TBX19: variants seen among roughly 807,000 people sequenced by gnomAD.
TBX19 encodes T-box transcription factor 19.
TBX19 carries 33 observed loss-of-function variants against 40.9 expected under a neutral mutation model. The ratio of observed to expected loss-of-function variants is 0.81; its 90% CI spans 0.61 to 1.08. The LOEUF (loss-of-function observed/expected upper bound fraction) is 1.08, where lower values mean the gene tolerates loss of function less well. Among genes scored for constraint, TBX19 ranks in the 50% least tolerant of loss-of-function variants. The pLI is 0.00. For synonymous variants in TBX19, 220 were observed against 225.0 expected, an observed-to-expected ratio of 0.98 and a Z score of 0.20; for missense variants, 494 against 574.0, an observed-to-expected ratio of 0.86 and a Z score of 1.42.
chr1:168,301,327 G>T (rs1162334433), intron 5 of TBX19, among the ~76,000 whole-genome samples: 1 of 151,820 alleles, frequency 6.6e-6, no homozygotes, highest in Admixed American at 6.6e-5. Flanking sequence ...CAATGGCCCA[G>T]TCTTGGCTCA....
intron 1 of TBX19, among the ~76,000 whole-genome samples, chr1:168,282,037 G>C (rs187699312): frequency 2.6e-4 from 39 of 152,258 alleles, no homozygotes; most frequent in Middle Eastern, 3.4e-3. Context: ...ATTTCACTTC[G>C]TAGAGGAGAC....
rs779255360 is a variant in TBX19 at position 168,312,976 on chromosome 1, C to A, written c.1321C>A (p.His441Asn). 2 of 1,614,224 alleles carry A rather than the reference C, an allele frequency of 1.2e-6. No individual in the cohort carries two copies. Among genetic ancestry groups the A allele is most frequent in the Admixed American group, 3.3e-5 (2 of 60,032 alleles). ...GGGTGGCCCAGGAGCGGGTGGGCACCATTCTCCTTCCTCACTGGATGGTTA... is the reference window on the plus strand; with the variant it reads ...GGGTGGCCCAGGAGCGGGTGGGCACAATTCTCCTTCCTCACTGGATGGTTA... ...GWGGPGAGGH[H>N]SPSSLDG The change falls in exon 8 of 8, where the codon CAT (histidine) becomes AAT (asparagine). Residue 441 changes from histidine (H) to asparagine (N), a missense_variant. His to Asn is a moderately conservative substitution (Grantham distance 68). Transcript: ENST00000367821.
At chr1:168,297,854 A>C in intron 4 of TBX19, 69 bp downstream of exon 4, 1 of 1,368,542 alleles carries the variant, frequency 7.3e-7, no homozygotes, top group South Asian at 1.2e-5. Context: ...GGAATTTATG[A>C]TTATCTTGAA....
intron 1 of TBX19, among the ~76,000 whole-genome samples, chr1:168,286,370 G>A (rs1439635093): frequency 3.3e-5 from 5 of 152,188 alleles, no homozygotes; most frequent in African/African-American, 1.2e-4. Flanking sequence ...GCTTCAAAAG[G>A]AAGCCCTGCG....
chr1:168,296,587 G>A (rs538289464), intron 3 of TBX19, among the ~76,000 whole-genome samples: 5 of 152,234 alleles, frequency 3.3e-5, no homozygotes, highest in East Asian at 3.9e-4. Context: ...CACCGGGACC[G>A]TCCCACAACA....
chr1:168,283,586 CCTAA>C (rs200085831), intron 1 of TBX19, among the ~76,000 whole-genome samples: 2,983 of 152,150 alleles, frequency 0.02, 95 homozygotes, highest in African/African-American at 0.066. Flanking sequence ...CTCTTTTCTC[CCTAA>C]CTATTTATTC....
intron 3 of TBX19, chr1:168,297,514 C>G: frequency 1.5e-6 from 1 of 645,472 alleles, no homozygotes; most frequent in Non-Finnish European, 2.9e-6. Context: ...TTGCCAGAGA[C>G]AGCGCAGTGG....
chr1:168,293,034 C>G lies in TBX19; in HGVS notation c.469-110C>G, dbSNP rs75156246. 196 of 1,579,614 alleles carry G rather than the reference C, an allele frequency of 1.2e-4. 1 individual carries two copies. The African/African-American group carries it at 2.3e-3, about 18-fold the overall frequency. On this transcript the variant is annotated intron_variant, in intron 2 of 7. Transcript: ENST00000367821. ...GGCCTAGGATTTGAAATGTGTGTCC[C>G]TAACCGGGGTGGTGCTAAGCTTGGG...
chr1:168,304,055 A>G (rs990274475), intron 5 of TBX19, among the ~76,000 whole-genome samples: 4 of 152,324 alleles, frequency 2.6e-5, no homozygotes, highest in African/African-American at 9.6e-5. Context: ...AATGCAGCCC[A>G]GTAGGTCTCA....
intron 1 of TBX19, among the ~76,000 whole-genome samples, chr1:168,286,706 C>A (rs1280611663): frequency 6.6e-6 from 1 of 152,136 alleles, no homozygotes; most frequent in Non-Finnish European, 1.5e-5. Context: ...CAAATGTTTG[C>A]ATGGAGCTAT....
intron 6 of TBX19, among the ~76,000 whole-genome samples, chr1:168,306,676 G>C (rs547479512): frequency 6.7e-6 from 1 of 149,634 alleles, no homozygotes; most frequent in Non-Finnish European, 1.5e-5. Flanking sequence ...GGAGGAGCTC[G>C]GGGTTACACA....
rs754589236 is a variant in TBX19, at chr1:168,281,246, G to A, written c.156G>A (p.Gln52=). Reference sequence around the variant, plus strand: ...TCCTGGAGGATGCACCTCTCTGGCAGAGATTCAAGGAAGTCACTAATGAGA... The same window carrying A: ...TCCTGGAGGATGCACCTCTCTGGCAAAGATTCAAGGAAGTCACTAATGAGA... ...QIILEDAPLW[Q]RFKEVTNEMI... Residue 52 remains glutamine, a synonymous_variant, in exon 1 of 8, where the codon CAG becomes CAA. Transcript: ENST00000367821. The A allele has an allele frequency of 2.5e-6, 4 of 1,614,074 alleles. No homozygotes were observed. In the Admixed American group the frequency reaches 5.0e-5, roughly 20 times the overall value.
chr1:168,312,768 G>A lies in TBX19; in HGVS notation c.1113G>A (p.Pro371=), dbSNP rs374611735. The A allele has an allele frequency of 3.0e-5, 48 of 1,614,046 alleles. 1 individual carries two copies. Among genetic ancestry groups the A allele is most frequent in the South Asian group, 2.0e-4 (18 of 91,084 alleles). ...NGAGGPSGPG[P]EVHASTPGAF... The stretch of plus-strand genomic sequence containing the variant: ...CCGGAGGCCCCAGTGGGCCAGGCCC[G>A]GAGGTGCACGCCAGCACCCCAGGAG... The change falls in exon 8 of 8, where the codon CCG becomes CCA. Residue 371 remains proline, a synonymous_variant. Transcript: ENST00000367821.
At chr1:168,311,686 T>G (rs1299462176) in intron 7 of TBX19, among the ~76,000 whole-genome samples, 1 of 152,170 alleles carries the variant, frequency 6.6e-6, no homozygotes, top group Non-Finnish European at 1.5e-5. Flanking sequence ...AATAAGCATA[T>G]TATCAAGCAA....
At chr1:168,296,875 A>AT (rs34163603) in intron 3 of TBX19, among the ~76,000 whole-genome samples, 21,075 of 151,820 alleles carry the variant, frequency 0.14, 2,013 homozygotes, top group East Asian at 0.33. Flanking sequence ...TCTCAAAAAA[A>AT]ATATATATAT....
At chr1:168,294,119 T>A (rs965730640) in intron 3 of TBX19, among the ~76,000 whole-genome samples, 2 of 152,322 alleles carry the variant, frequency 1.3e-5, no homozygotes, top group East Asian at 3.9e-4. Flanking sequence ...TATGTGAATG[T>A]AGATTTCCTC....
rs544236100 is a variant in TBX19, at chr1:168,280,878, C to A, written c.-213C>A. ...CTTCCCTACCTCTCCCCTGCCTCCA[C>A]CCCGCTCCCCAACTAAAGCTTAACA... On this transcript the variant is annotated 5_prime_UTR_variant, in exon 1 of 8. Transcript: ENST00000367821. Among the ~76,000 whole-genome samples the A allele has an allele frequency of 5.9e-5, 9 of 152,258 alleles. No homozygotes were observed. Among genetic ancestry groups the A allele is most frequent in the East Asian group, 1.9e-4 (1 of 5,176 alleles).
chr1:168,300,415 C>G lies in TBX19; in HGVS notation c.666-7C>G, dbSNP rs1044104885. 3 of 1,613,864 alleles carry G rather than the reference C, an allele frequency of 1.9e-6. No individual in the cohort carries two copies. The African/African-American group carries it at 4.0e-5, about 22-fold the overall frequency. ...ACAGCCATGGTGCATTTTCTTTACT[C>G]TTTCAGAAATCACCTAAGAGACGTA... On this transcript the variant is annotated splice_polypyrimidine_tract_variant and splice_region_variant and intron_variant, in intron 4 of 7. Coordinates refer to ENST00000367821, the MANE Select transcript of TBX19 (RefSeq NM_005149.3).
intron 4 of TBX19, among the ~76,000 whole-genome samples, chr1:168,299,519 C>T (rs964598414): frequency 1.1e-4 from 16 of 152,190 alleles, no homozygotes; most frequent in African/African-American, 1.7e-4. Context: ...CTCTATCACG[C>T]GGACTGGAGT....
Sources: allele counts gnomAD v4.1 joint callset (sites outside exome capture counted in the v4.1 genomes callset), GRCh38; gene constraint gnomAD v4.1.1; transcripts MANE v1.5; gene names NCBI Gene and HGNC (gene_info 2026-07-23, HGNC 2026-07-21).